The following ATF6 variants were observed in gnomAD, a reference collection of about 807,000 sequenced individuals.
ATF6 encodes activating transcription factor 6.
ATF6 carries 53 observed loss-of-function variants against 83.6 expected under a neutral mutation model. That is an observed-to-expected ratio of 0.63 (90% CI 0.51 to 0.80). The LOEUF (loss-of-function observed/expected upper bound fraction) is 0.80, where lower values mean the gene tolerates loss of function less well. Ranked by LOEUF, ATF6 falls within the 30% of genes least tolerant of loss-of-function variation. The pLI, the probability that ATF6 is intolerant of heterozygous loss-of-function variation, is 0.00. For synonymous variants in ATF6, 288 were observed against 285.8 expected (o/e 1.01, Z -0.08); for missense variants, 744 against 797.9 (o/e 0.93, Z 0.81).
intron 9 of ATF6, among the ~76,000 whole-genome samples, chr1:161,823,896 A>G (rs1386932994): frequency 6.6e-6 from 1 of 152,210 alleles, no homozygotes; most frequent in Non-Finnish European, 1.5e-5. Flanking sequence ...ATCTTTTGAT[A>G]GGCAGCTAGG....
chr1:161,902,672 T>C (rs1032681101), intron 14 of ATF6, among the ~76,000 whole-genome samples: 1 of 152,226 alleles, frequency 6.6e-6, no homozygotes, highest in African/African-American at 2.4e-5. Flanking sequence ...ACATTATAAA[T>C]CGTTTGTGGT....
chr1:161,819,865 C>A, intron 8 of ATF6, 47 bp downstream of exon 8: 1 of 1,455,152 alleles, frequency 6.9e-7, no homozygotes. Context: ...AAAGTATCCT[C>A]TGGATTAATA....
intron 4 of ATF6, among the ~76,000 whole-genome samples, chr1:161,788,499 C>T (rs1684798819): frequency 6.6e-6 from 1 of 151,950 alleles, no homozygotes; most frequent in Non-Finnish European, 1.5e-5. Flanking sequence ...TATATCTTTT[C>T]CCTTTCTATT....
chr1:161,785,640 C>T (rs894277460), intron 4 of ATF6, among the ~76,000 whole-genome samples: 3 of 152,058 alleles, frequency 2.0e-5, no homozygotes, highest in Non-Finnish European at 4.4e-5. Flanking sequence ...ACTCAAATAA[C>T]CTATAGTAAA....
At chr1:161,953,414 G>A (rs568715223) in intron 15 of ATF6, among the ~76,000 whole-genome samples, 3 of 152,100 alleles carry the variant, frequency 2.0e-5, no homozygotes, top group African/African-American at 4.8e-5. Context: ...CTGTTCTAGC[G>A]AGGCCTATAC....
At chr1:161,851,879 A>T (rs779096541) in intron 11 of ATF6, 44 bp downstream of exon 11, 1 of 1,480,080 alleles carries the variant, frequency 6.8e-7, no homozygotes, top group Non-Finnish European at 9.4e-7. Flanking sequence ...GTTGGTTCCC[A>T]TGTTTAGTTT....
chr1:161,903,713 A>T (rs913686925), intron 14 of ATF6, among the ~76,000 whole-genome samples: 2 of 152,208 alleles, frequency 1.3e-5, no homozygotes, highest in African/African-American at 4.8e-5. Context: ...TTTACTAAAG[A>T]GAAAATGAGG....
At chr1:161,934,287 A>G (rs190793268) in intron 15 of ATF6, among the ~76,000 whole-genome samples, 5 of 152,288 alleles carry the variant, frequency 3.3e-5, no homozygotes, top group Admixed American at 2.6e-4. Flanking sequence ...CAGAACCAAA[A>G]CTTTTTAAAG....
intron 7 of ATF6, among the ~76,000 whole-genome samples, chr1:161,812,552 C>T (rs2101771877): frequency 6.6e-6 from 1 of 151,398 alleles, no homozygotes; most frequent in East Asian, 1.9e-4. Context: ...GCCACTACGC[C>T]CGGCTAATTT....
intron 14 of ATF6, among the ~76,000 whole-genome samples, chr1:161,888,500 C>T (rs1204681736): frequency 1.3e-5 from 2 of 152,220 alleles, no homozygotes; most frequent in East Asian, 3.9e-4. Flanking sequence ...ATCTAATTCA[C>T]CTCTTGGGGG....
rs759790425 is a variant in ATF6, at chr1:161,792,224, C to G, written c.585C>G (p.Asn195Lys). ...CAGCAGCACCCAAGACTCAAACAAA[C>G]TCCAGTGTTCCAGCAAAAACCATCA... ...LLPAAPKTQT[N>K]SSVPAKTIII... The change falls in exon 6 of 16, where the codon AAC (asparagine) becomes AAG (lysine). Residue 195 changes from asparagine to lysine, a missense_variant. Asn to Lys is a moderately conservative substitution (Grantham distance 94). Coordinates refer to ENST00000367942, the MANE Select transcript of ATF6 (RefSeq NM_007348.4). 1.3e-5 allele frequency: 21 copies of G among 1,614,032 alleles called. No individual in the cohort carries two copies. Among genetic ancestry groups the G allele is most frequent in the Non-Finnish European group, 1.8e-5 (21 of 1,180,008 alleles).
chr1:161,799,130 A>G (rs1313898287), intron 6 of ATF6, among the ~76,000 whole-genome samples: 1 of 152,198 alleles, frequency 6.6e-6, no homozygotes, highest in Non-Finnish European at 1.5e-5. Flanking sequence ...ACACGCACAC[A>G]TATGTTCATC....
chr1:161,851,259 C>T (rs112500616), intron 10 of ATF6, among the ~76,000 whole-genome samples: 1 of 47,090 alleles, frequency 2.1e-5, no homozygotes, highest in Non-Finnish European at 1.3e-4. Flanking sequence ...CACACACACA[C>T]ACACACACAC....
chr1:161,788,563 C>A (rs1185670992), intron 4 of ATF6, among the ~76,000 whole-genome samples: 3 of 151,996 alleles, frequency 2.0e-5, no homozygotes, highest in African/African-American at 7.2e-5. Context: ...TTCAATTACT[C>A]AGGCTTATCT....
chr1:161,805,866 CT>C (rs1685266962), intron 7 of ATF6, among the ~76,000 whole-genome samples: 1 of 150,820 alleles, frequency 6.6e-6, no homozygotes, highest in African/African-American at 2.4e-5. Context: ...GACATGGCTT[CT>C]TTTTCTACCT....
intron 6 of ATF6, among the ~76,000 whole-genome samples, chr1:161,793,815 A>G (rs1169284589): frequency 1.1e-4 from 17 of 152,240 alleles, no homozygotes; most frequent in Admixed American, 1.1e-3. Flanking sequence ...CCTGAATTAC[A>G]CATTATTTGA....
intron 4 of ATF6, among the ~76,000 whole-genome samples, chr1:161,784,432 T>A (rs902702285): frequency 1.3e-5 from 2 of 152,228 alleles, no homozygotes; most frequent in African/African-American, 2.4e-5. Context: ...TCTTTATATA[T>A]GGACATAGAA....
intron 9 of ATF6, among the ~76,000 whole-genome samples, chr1:161,827,824 G>A (rs780272764): frequency 6.8e-4 from 103 of 152,136 alleles, no homozygotes; most frequent in African/African-American, 2.4e-3. Context: ...CTGAATAGAC[G>A]TCACACAGGA....
rs553922151 is a variant in ATF6, at chr1:161,791,310, T to C, written c.355-98T>C. On this transcript the variant is annotated intron_variant, in intron 4 of 15. Transcript: ENST00000367942. Reference sequence around the variant, plus strand: ...ATATACCTTTCCTTTGAAGTTACCCTGAAGTGTTTTTCTGTTTATATGTGG... The same window carrying C: ...ATATACCTTTCCTTTGAAGTTACCCCGAAGTGTTTTTCTGTTTATATGTGG... 9 of 999,268 alleles carry C rather than the reference T, an allele frequency of 9.0e-6. No homozygotes were observed. The East Asian group carries it at 2.1e-4, about 23-fold the overall frequency. 61.9% of individuals were successfully genotyped at this position (999,268 alleles called of 1,614,324 possible). A position where few individuals can be genotyped will look rare whatever the true frequency, so the allele number is the denominator to read the frequency against.
Sources: gnomAD v4.1 joint callset for allele counts (sites outside exome capture counted in the v4.1 genomes callset) on GRCh38, gnomAD v4.1.1 for gene constraint, MANE v1.5 for transcripts, NCBI Gene and HGNC (gene_info 2026-07-23, HGNC 2026-07-21) for gene names.